Variants in TBXT observed in about 807,000 individuals in gnomAD.
TBXT encodes T-box transcription factor T.
A neutral mutation model predicts 41.1 loss-of-function variants in TBXT; 19 were observed. The ratio of observed to expected loss-of-function variants is 0.46; its 90% confidence interval spans 0.32 to 0.68. The LOEUF (loss-of-function observed/expected upper bound fraction) is 0.68, where lower values mean the gene tolerates loss of function less well. Ranked by LOEUF, TBXT falls within the 30% of genes least tolerant of loss-of-function variation. The pLI is 0.03. For missense variants in TBXT, 536 were observed against 582.0 expected (o/e 0.92, Z 0.81); for synonymous variants, 213 against 238.9 (o/e 0.89, Z 1.00).
chr6:166,158,489 G>A lies in TBXT; in HGVS notation c.1137C>T (p.Gly379=). 6.2e-7 allele frequency: 1 copy of A among 1,609,546 alleles called. No individual in the cohort carries two copies. Among genetic ancestry groups the A allele is most frequent in the Non-Finnish European group, 8.5e-7 (1 of 1,177,444 alleles). The change falls in exon 8 of 8, where the codon GGC becomes GGT. Residue 379 remains glycine, a synonymous_variant. Coordinates refer to ENST00000366876, the MANE Select transcript of TBXT (RefSeq NM_001366285.2). ...TGAGGGGTGTGTAGTGCGCGGGGGAGCCCCGGAAGAACTGGGCCCCCAGCC... is the reference window on the plus strand; with the variant it reads ...TGAGGGGTGTGTAGTGCGCGGGGGAACCCCGGAAGAACTGGGCCCCCAGCC... ...SNGLGAQFFR[G]SPAHYTPLTH...
At position 166,158,424 on chromosome 6, in the gene TBXT, A is replaced by G. The variant is rs376697758; in HGVS notation, c.1202T>C (p.Leu401Pro). The G allele has an allele frequency of 6.2e-7, 1 of 1,614,028 alleles. No individual in the cohort carries two copies. Among genetic ancestry groups the G allele is most frequent in the African/African-American group, 1.3e-5 (1 of 74,930 alleles). ...TGTGGCCGCGGCCGCCCCTTCGTACAGTGGGGATCCCGAGGAAGAGGGCGC... is the reference window on the plus strand; with the variant it reads ...TGTGGCCGCGGCCGCCCCTTCGTACGGTGGGGATCCCGAGGAAGAGGGCGC... Reference protein sequence around the residue: ...VSAPSSSGSPLYEGAAAATDI... With the variant: ...VSAPSSSGSPPYEGAAAATDI... The change falls in exon 8 of 8, where the codon CTG becomes CCG. Residue 401 changes from leucine to proline, a missense_variant. By Grantham distance (98) the Leu-to-Pro change is moderately conservative. Transcript: ENST00000366876.
chr6:166,161,063 C>A, intron 6 of TBXT, 97 bp from the exon 7 acceptor site: 1 of 1,501,204 alleles, frequency 6.7e-7, no homozygotes, highest in Non-Finnish European at 9.2e-7. Flanking sequence ...CTACGTAACA[C>A]TGAAAACAAA....
chr6:166,164,058 C>G (rs1156697531), intron 5 of TBXT, among the ~76,000 whole-genome samples: 2 of 152,204 alleles, frequency 1.3e-5, no homozygotes, highest in Non-Finnish European at 2.9e-5. Context: ...TGAGAGAGAG[C>G]GTTTCTCCCA....
At chr6:166,166,452 T>C (rs957655090) in intron 2 of TBXT, 140 bp downstream of exon 2, 3 of 1,350,436 alleles carry the variant, frequency 2.2e-6, no homozygotes, top group East Asian at 4.6e-5. Context: ...AAAGGCCTTA[T>C]TAGAGAAGGC....
Position 166,158,463 on chromosome 6 carries a change from G to A in TBXT, c.1163C>T (p.Thr388Ile). 6.2e-7 allele frequency: 1 copy of A among 1,614,082 alleles called. No homozygotes were observed. Among genetic ancestry groups the A allele is most frequent in the Non-Finnish European group, 8.5e-7 (1 of 1,180,004 alleles). ...RGSPAHYTPL[T>I]HPVSAPSSSG... ...GGAAGAGGGCGCCGAGACCGGATGG[G>A]TGAGGGGTGTGTAGTGCGCGGGGGA... Residue 388 changes from threonine to isoleucine, a missense_variant, in exon 8 of 8, where the codon ACC (threonine) becomes ATC (isoleucine). Thr to Ile is a moderately conservative substitution (Grantham distance 89). Coordinates refer to ENST00000366876, the MANE Select transcript of TBXT (RefSeq NM_001366285.2).
chr6:166,163,461 G>T (rs1053080752), intron 5 of TBXT, among the ~76,000 whole-genome samples: 1 of 152,066 alleles, frequency 6.6e-6, no homozygotes, highest in Non-Finnish European at 1.5e-5. Flanking sequence ...TTGGCTTATT[G>T]CAATCTCCGC....
chr6:166,160,775 C>G, intron 7 of TBXT, 62 bp downstream of exon 7: 1 of 1,608,340 alleles, frequency 6.2e-7, no homozygotes, highest in Non-Finnish European at 8.5e-7. Flanking sequence ...GGAATGGAAA[C>G]AGCGTGAAGT....
At chr6:166,162,323 C>A in intron 6 of TBXT, 124 bp downstream of exon 6, 1 of 1,095,762 alleles carries the variant, frequency 9.1e-7, no homozygotes, top group South Asian at 1.4e-5. Flanking sequence ...AAAAACTGGG[C>A]TTGGGTATGT....
At chr6:166,165,981 G>A in intron 2 of TBXT, 141 bp from the exon 3 acceptor site, 1 of 1,310,058 alleles carries the variant, frequency 7.6e-7, no homozygotes. Flanking sequence ...TTCCACCAGG[G>A]GAGGCTTCTC....
At position 166,164,844 on chromosome 6, in the gene TBXT, A is replaced by C; in HGVS notation, c.624T>G (p.Ile208Met). 6.2e-7 allele frequency: 1 copy of C among 1,612,722 alleles called. No homozygotes were observed. The highest frequency in any genetic ancestry group is 8.5e-7 in the Non-Finnish European group (1 of 1,179,922). Residue 208 changes from isoleucine to methionine, a missense_variant, in exon 4 of 8, where the codon ATT becomes ATG. Ile to Met is a conservative substitution (Grantham distance 10). Transcript: ENST00000366876. ...AAGCTTTTGCAAATGGATTGTACTT[A>C]ATTTTAAGAGCTGTGATCTGAAAAA... ...YQNEEITALK[I>M]KYNPFAKAFL...
chr6:166,167,669 C>T lies in TBXT; in HGVS notation c.-78G>A. On this transcript the variant is annotated 5_prime_UTR_variant, in exon 1 of 8. Transcript: ENST00000366876. ...GAGATCCACCTTCCCTGCTCTTGGCCGCCGCCCTTCCGAGAAAAGGGGCCC... is the reference window on the plus strand; with the variant it reads ...GAGATCCACCTTCCCTGCTCTTGGCTGCCGCCCTTCCGAGAAAAGGGGCCC... 1 of 1,524,206 alleles carries T rather than the reference C, an allele frequency of 6.6e-7. No homozygotes were observed. Among genetic ancestry groups the T allele is most frequent in the African/African-American group, 1.4e-5 (1 of 72,738 alleles). 94.4% of individuals were successfully genotyped at this position (1,524,206 alleles called of 1,614,324 possible).
At chr6:166,164,524 T>C in intron 5 of TBXT, 81 bp downstream of exon 5, 3 of 1,535,858 alleles carry the variant, frequency 2.0e-6, no homozygotes, top group Non-Finnish European at 2.7e-6. Context: ...CACCCTTGTC[T>C]TCTCCATCTC....
intron 2 of TBXT, 140 bp from the exon 3 acceptor site, chr6:166,165,980 G>T: frequency 7.6e-7 from 1 of 1,314,044 alleles, no homozygotes; most frequent in Non-Finnish European, 1.1e-6. Flanking sequence ...GTTCCACCAG[G>T]GGAGGCTTCT....
chr6:166,160,600 C>T (rs1200651377), intron 7 of TBXT, among the ~76,000 whole-genome samples: 1 of 152,188 alleles, frequency 6.6e-6, no homozygotes, highest in East Asian at 1.9e-4. Context: ...TCCCATTCCA[C>T]ACCTGGGTTG....
At chr6:166,165,067 A>G (rs1562389121) in intron 3 of TBXT, among the ~76,000 whole-genome samples, 1 of 152,202 alleles carries the variant, frequency 6.6e-6, no homozygotes, top group Non-Finnish European at 1.5e-5. Flanking sequence ...TTCAATGTCA[A>G]TGTTCTGAGT....
Position 166,162,508 on chromosome 6 carries a change from G to A in TBXT, c.846C>T (p.Thr282=), listed in dbSNP as rs1338882645. Residue 282 remains threonine (T), a synonymous_variant, in exon 6 of 8, where the codon ACC becomes ACT. Coordinates refer to ENST00000366876, the MANE Select transcript of TBXT (RefSeq NM_001366285.2). ...PSTHSCDRYP[T]LRSHRSSPYP... is the part of the protein sequence containing the mutation. ...AGGGTGAGGACCGGTGGCTCCTCAG[G>A]GTTGGGTACCTGTCACAGCTGTGCG... The A allele has an allele frequency of 2.5e-6, 4 of 1,614,042 alleles. No homozygotes were observed. Among genetic ancestry groups the A allele is most frequent in the Non-Finnish European group, 3.4e-6 (4 of 1,180,028 alleles).
intron 5 of TBXT, among the ~76,000 whole-genome samples, 174 bp downstream of exon 5, chr6:166,164,431 A>G (rs1483643531): frequency 6.6e-6 from 1 of 152,220 alleles, no homozygotes; most frequent in Non-Finnish European, 1.5e-5. Flanking sequence ...CAGAGGTTAG[A>G]TGGGCAACAC....
chr6:166,158,290 C>T lies in TBXT; in HGVS notation c.*25G>A. 2.5e-6 allele frequency: 4 copies of T among 1,614,248 alleles called. No homozygotes were observed. Among genetic ancestry groups the T allele is most frequent in the Non-Finnish European group, 3.4e-6 (4 of 1,180,036 alleles). ...CTGCCACGACAAAAAGTCACTGCATCTTTCGGGACCTGGGCCTTGCTGCTT... is the reference window on the plus strand; with the variant it reads ...CTGCCACGACAAAAAGTCACTGCATTTTTCGGGACCTGGGCCTTGCTGCTT... On this transcript the variant is annotated 3_prime_UTR_variant, in exon 8 of 8. Coordinates refer to ENST00000366876, the MANE Select transcript of TBXT (RefSeq NM_001366285.2).
In TBXT at chr6:166,167,499, G is replaced by T. The variant is rs1306582677; in HGVS notation, c.93C>A (p.Gly31=). 1 of 1,609,002 alleles carries T rather than the reference G, an allele frequency of 6.2e-7. No homozygotes were observed. ...GCTCTGTGGGGTCGCCCTTCTCGCT[G>T]CCCGCCTGCAGCTCATTCTCCACGG... is the stretch of plus-strand genomic sequence containing the variant. ...LSAVENELQA[G]SEKGDPTERE... is the part of the protein sequence containing the mutation. The change falls in exon 1 of 8, where the codon GGC becomes GGA. Residue 31 remains glycine (G), a synonymous_variant. Coordinates refer to ENST00000366876, the MANE Select transcript of TBXT (RefSeq NM_001366285.2).
Sources: gnomAD v4.1 joint callset for allele counts (sites outside exome capture counted in the v4.1 genomes callset) on GRCh38, gnomAD v4.1.1 for gene constraint, MANE v1.5 for transcripts, NCBI Gene and HGNC (gene_info 2026-07-23, HGNC 2026-07-21) for gene names.